Variants in CMTM4 observed in about 807,000 individuals in gnomAD.
The protein encoded by CMTM4 is CKLF-like MARVEL transmembrane domain-containing protein 4.
In CMTM4, 8 loss-of-function variants were observed where a neutral mutation model predicts 19.0. The observed-to-expected ratio is 0.42, with a 90% CI of 0.25 to 0.76. The LOEUF (loss-of-function observed/expected upper bound fraction) is 0.76, where lower values mean the gene tolerates loss of function less well. Among genes scored for constraint, CMTM4 ranks in the 30% least tolerant of loss-of-function variants. CMTM4 has a pLI of 0.27. For synonymous variants in CMTM4, 106 were observed against 121.1 expected (o/e 0.88, Z 0.82); for missense variants, 228 against 290.2 (o/e 0.79, Z 1.56).
Position 66,619,283 on chromosome 16 carries a change from A to T in CMTM4, c.*2775T>A, listed in dbSNP as rs1490964072. The T allele has an allele frequency of 9.1e-6, 9 of 985,374 alleles. No homozygotes were observed. Among genetic ancestry groups the T allele is most frequent in the Non-Finnish European group, 1.1e-5 (9 of 829,964 alleles). The allele number at this position is 985,374 out of a possible 1,614,324, so 61.0% of individuals were successfully genotyped here. A position where few individuals can be genotyped will look rare whatever the true frequency, so the allele number is the denominator to read the frequency against. ...AAAATAAACTTTCTCTGAGGACATC[A>T]GTGTTTGCATCCATCTAAAACCACC... On this transcript the variant is annotated 3_prime_UTR_variant, in exon 4 of 4. Coordinates refer to ENST00000394106, the MANE Select transcript of CMTM4 (RefSeq NM_181521.3).
chr16:66,680,197 G>A lies in CMTM4; in HGVS notation c.186+16143C>T, dbSNP rs539851425. Reference sequence around the variant, plus strand: ...AGAAATATAATAAATCATAACTGCCGGCCAGGCACAGTGGCTCATGCCTAT... The same window carrying A: ...AGAAATATAATAAATCATAACTGCCAGCCAGGCACAGTGGCTCATGCCTAT... On this transcript the variant is annotated intron_variant, in intron 1 of 3. Transcript: ENST00000394106. Among the ~76,000 whole-genome samples the A allele has an allele frequency of 1.4e-4, 21 of 152,222 alleles. No individual in the cohort carries two copies. The South Asian group carries it at 2.7e-3, about 20-fold the overall frequency.
intron 2 of CMTM4, among the ~76,000 whole-genome samples, chr16:66,633,442 C>A (rs764544313): frequency 6.6e-6 from 1 of 152,162 alleles, no homozygotes; most frequent in South Asian, 2.1e-4. Context: ...CCTTCTGTAG[C>A]GAGTTGATGA....
intron 1 of CMTM4, among the ~76,000 whole-genome samples, chr16:66,669,946 C>T (rs1388088538): frequency 6.6e-6 from 1 of 152,140 alleles, no homozygotes; most frequent in African/African-American, 2.4e-5. Context: ...TCAGCCTTAA[C>T]TATTTGTTTT....
At chr16:66,671,688 C>A (rs2144882177) in intron 1 of CMTM4, among the ~76,000 whole-genome samples, 1 of 152,258 alleles carries the variant, frequency 6.6e-6, no homozygotes, top group African/African-American at 2.4e-5. Flanking sequence ...GCTGGCCAGG[C>A]ACCTATAACT....
chr16:66,658,815 G>C (rs966609965), intron 1 of CMTM4, among the ~76,000 whole-genome samples: 1 of 152,092 alleles, frequency 6.6e-6, no homozygotes, highest in Non-Finnish European at 1.5e-5. Flanking sequence ...CCCACAGGGA[G>C]GAAGAATGGC....
intron 1 of CMTM4, among the ~76,000 whole-genome samples, chr16:66,693,013 C>G (rs964215192): frequency 1.3e-5 from 2 of 151,942 alleles, no homozygotes; most frequent in Non-Finnish European, 2.9e-5. Context: ...CACCTAACGT[C>G]AGAAGTTTGA....
At chr16:66,692,834 G>A (rs1383239525) in intron 1 of CMTM4, among the ~76,000 whole-genome samples, 4 of 151,782 alleles carry the variant, frequency 2.6e-5, no homozygotes, top group African/African-American at 9.7e-5. Context: ...TTGAACCTGG[G>A]AGGTGGAGGC....
rs908710740 is a variant in CMTM4, at chr16:66,618,018, A to G, written c.*4040T>C. ...GTTCCAGGCCACTGCTTCCTCCCTT[A>G]TCTCCCAGACCTGGCCGTGTGTGGA... On this transcript the variant is annotated 3_prime_UTR_variant, in exon 4 of 4. Transcript: ENST00000394106. 1.0e-6 allele frequency: 1 copy of G among 985,558 alleles called. No homozygotes were observed. Among genetic ancestry groups the G allele is most frequent in the African/African-American group, 1.7e-5 (1 of 57,334 alleles). The allele number at this position is 985,558 out of a possible 1,614,324, so 61.1% of individuals were successfully genotyped here.
intron 1 of CMTM4, among the ~76,000 whole-genome samples, chr16:66,650,431 C>A (rs1208958062): frequency 1.3e-5 from 2 of 152,142 alleles, no homozygotes; most frequent in East Asian, 1.9e-4. Flanking sequence ...TTAAAAAATT[C>A]TTTTTAAGGC....
chr16:66,676,833 A>C (rs1048253577), intron 1 of CMTM4, among the ~76,000 whole-genome samples: 19 of 152,338 alleles, frequency 1.2e-4, no homozygotes, highest in African/African-American at 4.6e-4. Context: ...TTATAAACTT[A>C]CTACAGTAGA....
intron 1 of CMTM4, among the ~76,000 whole-genome samples, chr16:66,657,078 T>C (rs754525025): frequency 7.6e-4 from 106 of 139,352 alleles, no homozygotes; most frequent in Non-Finnish European, 1.3e-3. Context: ...TCAGTGTTAA[T>C]TTCCTGATTT....
At chr16:66,667,093 G>C (rs1458262410) in intron 1 of CMTM4, among the ~76,000 whole-genome samples, 2 of 152,228 alleles carry the variant, frequency 1.3e-5, no homozygotes, top group Non-Finnish European at 2.9e-5. Context: ...GGGAGGCCGA[G>C]GCAGGCGGAT....
the CMTM4 span, chr16:66,609,622 G>C: frequency 2.2e-5 from 33 of 1,516,304 alleles, no homozygotes; most frequent in South Asian, 3.7e-4. This position sits in a 1 kb window ranked among gnomAD's most constrained non-coding sequence, Gnocchi z 4.4. Flanking sequence ...TCCCTGCTGG[G>C]GCCCCCCTGG....
chr16:66,604,586 G>C, the CMTM4 span: 3 of 343,548 alleles, frequency 8.7e-6, no homozygotes, highest in Admixed American at 4.9e-5. Flanking sequence ...AGGCCGGGGA[G>C]GGGGCGGGTC....
chr16:66,667,086 A>C (rs571208303), intron 1 of CMTM4, among the ~76,000 whole-genome samples: 1 of 152,356 alleles, frequency 6.6e-6, no homozygotes, highest in African/African-American at 2.4e-5. Flanking sequence ...ACACTTTGGG[A>C]GGCCGAGGCA....
At chr16:66,602,447 A>G in the CMTM4 span, among the ~76,000 whole-genome samples, 1 of 152,130 alleles carries the variant, frequency 6.6e-6, no homozygotes, top group Non-Finnish European at 1.5e-5. Flanking sequence ...GTCTTTCCAC[A>G]GTGTCAGATT....
chr16:66,629,607 G>A (rs191838407), intron 2 of CMTM4, among the ~76,000 whole-genome samples: 5 of 152,234 alleles, frequency 3.3e-5, no homozygotes, highest in South Asian at 2.1e-4. Flanking sequence ...AATCATACCC[G>A]AGTTTATGCT....
intron 1 of CMTM4, among the ~76,000 whole-genome samples, chr16:66,642,191 A>G (rs933757475): frequency 6.6e-6 from 1 of 152,360 alleles, no homozygotes; most frequent in Non-Finnish European, 1.5e-5. Context: ...AGATAAAGTG[A>G]TACTAGAAGC....
At chr16:66,677,188 G>A (rs534348160) in intron 1 of CMTM4, among the ~76,000 whole-genome samples, 37 of 152,298 alleles carry the variant, frequency 2.4e-4, no homozygotes, top group African/African-American at 8.9e-4. Flanking sequence ...AGTGAGCCAT[G>A]ATTGTGTCAT....
Sources: allele counts gnomAD v4.1 joint callset (sites outside exome capture counted in the v4.1 genomes callset), GRCh38; gene constraint gnomAD v4.1.1; non-coding constraint Gnocchi (gnomAD v3.1); transcripts MANE v1.5; gene names NCBI Gene and HGNC (gene_info 2026-07-23, HGNC 2026-07-21).